PARN: variants seen among roughly 807,000 people sequenced by gnomAD.
PARN encodes poly(A)-specific ribonuclease, also known as poly(A)-specific ribonuclease PARN.
In PARN, 71 loss-of-function variants were observed where a neutral mutation model predicts 102.8. The observed-to-expected ratio is 0.69, with a 90% CI of 0.57 to 0.84. PARN has a LOEUF of 0.84. Among genes scored for constraint, PARN ranks in the 40% least tolerant of loss-of-function variants. The pLI is 0.00. For synonymous variants in PARN, 261 were observed against 252.9 expected (o/e 1.03, Z -0.30); for missense variants, 782 against 760.9 (o/e 1.03, Z -0.33).
rs574077945 is a variant in PARN at position 14,577,805 on chromosome 16, T to A, written c.1262+3069A>T. 7.2e-5 allele frequency among the ~76,000 whole-genome samples: 11 copies of A among 152,150 alleles called. 1 individual carries two copies. The East Asian group carries it at 2.0e-3, about 27-fold the overall frequency. On this transcript the variant is annotated intron_variant, in intron 18 of 23. Transcript: ENST00000437198. Reference sequence around the variant, plus strand: ...GCCTCAGCCCCCCCAGTAGCTGGGATTACAGGCACCCATCAACACGCTCAG... The same window carrying A: ...GCCTCAGCCCCCCCAGTAGCTGGGAATACAGGCACCCATCAACACGCTCAG...
intron 21 of PARN, among the ~76,000 whole-genome samples, chr16:14,516,392 C>T (rs1410070404): frequency 1.3e-5 from 2 of 151,876 alleles, no homozygotes; most frequent in Non-Finnish European, 2.9e-5. Context: ...AAGGCTATAC[C>T]GCATACATCT....
intron 12 of PARN, among the ~76,000 whole-genome samples, chr16:14,593,905 G>C (rs1970351227): frequency 6.6e-6 from 1 of 151,988 alleles, no homozygotes; most frequent in Admixed American, 6.6e-5. Context: ...GCTGAGGCAG[G>C]AGAATCGCTG....
chr16:14,620,101 G>C (rs1375143462), intron 5 of PARN, among the ~76,000 whole-genome samples: 1 of 139,610 alleles, frequency 7.2e-6, no homozygotes, highest in Non-Finnish European at 1.5e-5. Context: ...ACACTGGCCG[G>C]GCACAGTGGC....
chr16:14,546,643 C>T (rs1422055997), intron 21 of PARN, among the ~76,000 whole-genome samples: 2 of 152,102 alleles, frequency 1.3e-5, no homozygotes, highest in African/African-American at 4.8e-5. Flanking sequence ...ACACAATGTC[C>T]TACGATGCAT....
chr16:14,460,673 T>C (rs1961915606), intron 22 of PARN, among the ~76,000 whole-genome samples: 1 of 152,202 alleles, frequency 6.6e-6, no homozygotes, highest in African/African-American at 2.4e-5. Flanking sequence ...AGCCACAACA[T>C]TTAGTACACT....
intron 21 of PARN, among the ~76,000 whole-genome samples, chr16:14,508,274 A>AG (rs1964998833): frequency 6.6e-6 from 1 of 152,162 alleles, no homozygotes; most frequent in Non-Finnish European, 1.5e-5. Context: ...TCACATCTGT[A>AG]ATCCCAGCAC....
At chr16:14,457,917 GGGGTGTGTGTGT>G (rs1180095257) in intron 22 of PARN, among the ~76,000 whole-genome samples, 19 of 138,200 alleles carry the variant, frequency 1.4e-4, no homozygotes, top group Non-Finnish European at 2.9e-4. Flanking sequence ...TGTGTGTGTG[GGGGTGTGTGTGT>G]GGGTGTGTGT....
intron 21 of PARN, among the ~76,000 whole-genome samples, chr16:14,518,258 C>T (rs1965555112): frequency 7.6e-6 from 1 of 131,370 alleles, no homozygotes; most frequent in Admixed American, 8.7e-5. Flanking sequence ...CACCACTACA[C>T]TCCAGCCTAG....
At chr16:14,577,122 C>T (rs914833819) in intron 18 of PARN, among the ~76,000 whole-genome samples, 4 of 152,142 alleles carry the variant, frequency 2.6e-5, no homozygotes, top group African/African-American at 7.2e-5. Flanking sequence ...AGTTTAATGT[C>T]CACCCAAATT....
At chr16:14,501,460 A>AAAAAAAAAAAAAAAAAAAAAAC (rs71150191) in intron 21 of PARN, 2 of 137,550 alleles carry the variant, frequency 1.5e-5, no homozygotes, top group African/African-American at 2.7e-5. Flanking sequence ...AAAAAAAAAA[A>AAAAAAAAAAAAAAAAAAAAAAC]CAGAAAGAAA....
At position 14,436,464 on chromosome 16, in the gene PARN, G is replaced by A; in HGVS notation, c.*253C>T. On this transcript the variant is annotated 3_prime_UTR_variant, in exon 24 of 24. Transcript: ENST00000437198. ...TCACAAGAGCAACACGGAATTCACTGGTTAAGCACGTACACATTCATGACA... is the reference window on the plus strand; with the variant it reads ...TCACAAGAGCAACACGGAATTCACTAGTTAAGCACGTACACATTCATGACA... The A allele has an allele frequency of 1.8e-6, 1 of 541,686 alleles. No homozygotes were observed. The allele number at this position is 541,686 out of a possible 1,614,324, so 33.6% of individuals were successfully genotyped here.
At chr16:14,457,931 GGTGT>G (rs565874587) in intron 22 of PARN, among the ~76,000 whole-genome samples, 4 of 145,706 alleles carry the variant, frequency 2.7e-5, no homozygotes, top group Non-Finnish European at 4.6e-5. Context: ...TGTGTGTGTG[GGTGT>G]GTGTGTGTGT....
rs56403427 is a variant in PARN at position 14,530,975 on chromosome 16, TCATC to T, written c.1480+21042_1480+21045del. Among the ~76,000 whole-genome samples the T allele has an allele frequency of 9.8e-3, 1,478 of 151,482 alleles. 14 individuals carry two copies. Among genetic ancestry groups the T allele is most frequent in the Admixed American group, 0.016 (247 of 15,196 alleles). On this transcript the variant is annotated intron_variant, in intron 21 of 23. Coordinates refer to ENST00000437198, the MANE Select transcript of PARN (RefSeq NM_002582.4). Reference sequence around the variant, plus strand: ...TTCATTCATGCATGCATTCATTCATTCATCCATCCATCCATCCATCCATCCATCC... The same window carrying T: ...TTCATTCATGCATGCATTCATTCATTCATCCATCCATCCATCCATCCATCC...
At chr16:14,457,112 C>T (rs1235533012) in intron 22 of PARN, among the ~76,000 whole-genome samples, 1 of 152,170 alleles carries the variant, frequency 6.6e-6, no homozygotes, top group Non-Finnish European at 1.5e-5. Context: ...AGCAATAATG[C>T]AAGTGACAAA....
At chr16:14,483,517 TTTA>T (rs1963492653) in intron 21 of PARN, among the ~76,000 whole-genome samples, 1 of 152,194 alleles carries the variant, frequency 6.6e-6, no homozygotes, top group South Asian at 2.1e-4. Flanking sequence ...TTGGAGGTGC[TTTA>T]TTATTTTCAT....
At chr16:14,570,834 A>C (rs941968846) in intron 18 of PARN, among the ~76,000 whole-genome samples, 1 of 150,696 alleles carries the variant, frequency 6.6e-6, no homozygotes, top group East Asian at 2.0e-4. Flanking sequence ...AAAAAAAAAA[A>C]AAAATTAGCC....
intron 22 of PARN, among the ~76,000 whole-genome samples, chr16:14,465,211 G>A (rs1962256292): frequency 6.6e-6 from 1 of 152,120 alleles, no homozygotes; most frequent in South Asian, 2.1e-4. Flanking sequence ...GGGACTACAG[G>A]CATGTGACAC....
intron 21 of PARN, among the ~76,000 whole-genome samples, chr16:14,494,651 G>A (rs1307558023): frequency 6.6e-6 from 1 of 152,228 alleles, no homozygotes; most frequent in Non-Finnish European, 1.5e-5. Context: ...CGGTGCAGCC[G>A]GAACGATGCG....
At chr16:14,607,779 C>T (rs1205839265) in intron 9 of PARN, among the ~76,000 whole-genome samples, 1 of 152,160 alleles carries the variant, frequency 6.6e-6, no homozygotes, top group Non-Finnish European at 1.5e-5. Flanking sequence ...ATGGAAATGT[C>T]CACCTGTCTA....
Sources: allele counts gnomAD v4.1 joint callset (sites outside exome capture counted in the v4.1 genomes callset), GRCh38; gene constraint gnomAD v4.1.1; transcripts MANE v1.5; gene names NCBI Gene and HGNC (gene_info 2026-07-23, HGNC 2026-07-21).